Variants in ADGRB3 observed in about 807,000 individuals in gnomAD.
ADGRB3 encodes brain-specific angiogenesis inhibitor 3.
Under a neutral mutation model 193.4 loss-of-function variants are expected in ADGRB3, and 37 were observed. The observed-to-expected ratio is 0.19, with a 90% CI of 0.15 to 0.25. The LOEUF is 0.25. Among genes scored for constraint, ADGRB3 ranks in the 10% least tolerant of loss-of-function variants. ADGRB3 has a pLI of 1.00. For synonymous variants in ADGRB3, 690 were observed against 644.2 expected, an observed-to-expected ratio of 1.07 and a Z score of -1.08; for missense variants, 1,637 against 1,852.9, an observed-to-expected ratio of 0.88 and a Z score of 2.14.
chr6:68,767,083 G>A (rs756778140), intron 3 of ADGRB3, among the ~76,000 whole-genome samples: 31 of 151,858 alleles, frequency 2.0e-4, no homozygotes, highest in South Asian at 6.2e-4. Context: ...TAAAATAAGC[G>A]TTCTTTTAAA....
chr6:69,120,100 G>A (rs1426714182), intron 17 of ADGRB3, among the ~76,000 whole-genome samples: 2 of 152,270 alleles, frequency 1.3e-5, no homozygotes, highest in East Asian at 3.9e-4. Flanking sequence ...TGTGGCCTGG[G>A]CTACTGGCAG....
chr6:69,384,730 G>GAA (rs1770025751), intron 31 of ADGRB3, among the ~76,000 whole-genome samples: 1 of 151,878 alleles, frequency 6.6e-6, no homozygotes, highest in South Asian at 2.1e-4. Context: ...GTTAGGAGTG[G>GAA]GGAGGATAGA....
intron 17 of ADGRB3, among the ~76,000 whole-genome samples, chr6:69,208,318 A>T (rs1765582336): frequency 6.6e-6 from 1 of 152,210 alleles, no homozygotes. Context: ...TTGACCACTC[A>T]GGGAAGTCCA....
intron 20 of ADGRB3, among the ~76,000 whole-genome samples, chr6:69,267,616 T>C (rs1767077066): frequency 6.6e-6 from 1 of 152,142 alleles, no homozygotes; most frequent in African/African-American, 2.4e-5. Context: ...AGACAACCAA[T>C]TGAACAAATC....
At chr6:69,182,475 A>T (rs1388913893) in intron 17 of ADGRB3, among the ~76,000 whole-genome samples, 1 of 150,890 alleles carries the variant, frequency 6.6e-6, no homozygotes, top group African/African-American at 2.4e-5. Context: ...AGGAACCTAG[A>T]GCTGCATTGG....
chr6:69,352,141 A>G (rs1160847222), intron 26 of ADGRB3, among the ~76,000 whole-genome samples: 1 of 152,184 alleles, frequency 6.6e-6, no homozygotes, highest in Non-Finnish European at 1.5e-5. Flanking sequence ...CCCCAAATCA[A>G]GTGTCTGCAT....
chr6:69,096,751 C>G (rs558031393), intron 17 of ADGRB3, among the ~76,000 whole-genome samples: 5 of 152,254 alleles, frequency 3.3e-5, no homozygotes, highest in East Asian at 1.9e-4. Context: ...TGGTAGGTCT[C>G]AGCTTCACTG....
chr6:69,002,611 A>G (rs951369907), intron 11 of ADGRB3, among the ~76,000 whole-genome samples: 8 of 152,200 alleles, frequency 5.3e-5, no homozygotes, highest in Admixed American at 1.3e-4. Context: ...TCACTTGGTG[A>G]AGACCTTGGA....
At chr6:68,851,351 T>C (rs577259936) in intron 3 of ADGRB3, among the ~76,000 whole-genome samples, 1 of 152,026 alleles carries the variant, frequency 6.6e-6, no homozygotes, top group African/African-American at 2.4e-5. Flanking sequence ...GGTAATATTT[T>C]TCTTTTTACA....
intron 20 of ADGRB3, among the ~76,000 whole-genome samples, chr6:69,322,740 T>A (rs965840305): frequency 6.6e-6 from 1 of 151,992 alleles, no homozygotes; most frequent in African/African-American, 2.4e-5. Flanking sequence ...GCTCTTTATA[T>A]ATGGTTAGTT....
At chr6:68,896,295 A>C (rs1315318195) in intron 3 of ADGRB3, among the ~76,000 whole-genome samples, 1 of 152,130 alleles carries the variant, frequency 6.6e-6, no homozygotes, top group Non-Finnish European at 1.5e-5. Context: ...TACTATGTAG[A>C]GGGAATACCA....
chr6:69,108,251 T>C (rs976034614), intron 17 of ADGRB3, among the ~76,000 whole-genome samples: 17 of 152,150 alleles, frequency 1.1e-4, no homozygotes, highest in African/African-American at 3.6e-4. Context: ...CCCTTTAAGA[T>C]TGAGTACGGT....
At chr6:68,656,987 A>T (rs894938640) in intron 3 of ADGRB3, among the ~76,000 whole-genome samples, 1 of 151,520 alleles carries the variant, frequency 6.6e-6, no homozygotes, top group Non-Finnish European at 1.5e-5. Context: ...AAGTAATCTA[A>T]AACGTTGTTT....
chr6:69,210,223 A>T (rs1000872267), intron 17 of ADGRB3, among the ~76,000 whole-genome samples: 2 of 144,100 alleles, frequency 1.4e-5, no homozygotes, highest in African/African-American at 5.2e-5. Flanking sequence ...ACAATAGGTC[A>T]TCTGCAGACT....
intron 16 of ADGRB3, among the ~76,000 whole-genome samples, chr6:69,074,703 T>C (rs534640460): frequency 1.3e-5 from 2 of 151,904 alleles, no homozygotes; most frequent in South Asian, 4.2e-4. Flanking sequence ...TGCCACCACG[T>C]CCTGCTAATT....
At chr6:68,820,773 C>T (rs550058829) in intron 3 of ADGRB3, among the ~76,000 whole-genome samples, 37 of 151,944 alleles carry the variant, frequency 2.4e-4, no homozygotes, top group Middle Eastern at 3.4e-3. Context: ...GCTACTTGTC[C>T]GCTTATTTAA....
chr6:69,169,622 A>AT (rs1401756293), intron 17 of ADGRB3, among the ~76,000 whole-genome samples: 2 of 151,566 alleles, frequency 1.3e-5, no homozygotes, highest in Non-Finnish European at 1.5e-5. Flanking sequence ...AATAAATACC[A>AT]TAGGTATTGA....
intron 17 of ADGRB3, among the ~76,000 whole-genome samples, chr6:69,203,761 C>T (rs1765482461): frequency 6.6e-6 from 1 of 152,098 alleles, no homozygotes; most frequent in African/African-American, 2.4e-5. Context: ...CAAACTGAGC[C>T]TCATTTGCCA....
At chr6:69,091,548 C>G (rs1011695501) in intron 17 of ADGRB3, among the ~76,000 whole-genome samples, 2 of 152,132 alleles carry the variant, frequency 1.3e-5, no homozygotes, top group Non-Finnish European at 2.9e-5. Context: ...AACAGAAAAC[C>G]AAATACCACA....
Sources: allele counts gnomAD v4.1 joint callset (sites outside exome capture counted in the v4.1 genomes callset), GRCh38; gene constraint gnomAD v4.1.1; transcripts MANE v1.5; gene names NCBI Gene and HGNC (gene_info 2026-07-23, HGNC 2026-07-21).